Variants in SNX29 observed in about 807,000 individuals in gnomAD.
The protein encoded by SNX29 is sorting nexin 29.
SNX29 carries 78 observed loss-of-function variants against 102.1 expected under a neutral mutation model. The observed-to-expected ratio is 0.76, with a 90% CI of 0.64 to 0.92. SNX29 has a LOEUF of 0.92. SNX29 is among the 40% of genes least tolerant of loss of function. SNX29 has a pLI of 0.00. For synonymous variants in SNX29, 580 were observed against 414.5 expected (o/e 1.40, Z -4.85); for missense variants, 1,280 against 1,061.7 (o/e 1.21, Z -2.86).
chr16:12,095,705 T>G (rs2052738980), intron 11 of SNX29, among the ~76,000 whole-genome samples: 1 of 152,202 alleles, frequency 6.6e-6, no homozygotes, highest in African/African-American at 2.4e-5. Flanking sequence ...GATTGTTGCC[T>G]TCTTGCCCCT....
At chr16:12,449,002 A>G (rs1198595501) in intron 18 of SNX29, among the ~76,000 whole-genome samples, 1 of 152,098 alleles carries the variant, frequency 6.6e-6, no homozygotes, top group Non-Finnish European at 1.5e-5. Flanking sequence ...TGCATTGAGG[A>G]AGAAGACTCA....
chr16:12,050,245 C>G (rs1459174690), intron 7 of SNX29, among the ~76,000 whole-genome samples: 1 of 152,172 alleles, frequency 6.6e-6, no homozygotes, highest in African/African-American at 2.4e-5. Flanking sequence ...CCGCATCACA[C>G]ATTGGTTTAG....
At chr16:12,092,940 C>G (rs1020518507) in intron 11 of SNX29, among the ~76,000 whole-genome samples, 2 of 152,172 alleles carry the variant, frequency 1.3e-5, no homozygotes, top group African/African-American at 2.4e-5. Flanking sequence ...TGGCCCATAA[C>G]TTTTTATACC....
At chr16:12,418,789 A>G (rs1461133877) in intron 18 of SNX29, among the ~76,000 whole-genome samples, 2 of 152,196 alleles carry the variant, frequency 1.3e-5, no homozygotes, top group African/African-American at 4.8e-5. Context: ...TGCTGGGATT[A>G]CAGATGTGAG....
chr16:12,215,390 TAA>T (rs2077295786), intron 14 of SNX29, among the ~76,000 whole-genome samples: 1 of 151,864 alleles, frequency 6.6e-6, no homozygotes, highest in Admixed American at 6.5e-5. Context: ...GCACTCTATG[TAA>T]GTATTAGATT....
rs1409779606 is a variant in SNX29 at position 12,277,843 on chromosome 16, T to C, written c.1679-90T>C. On this transcript the variant is annotated intron_variant, in intron 14 of 20. Transcript: ENST00000566228. ...TGAGAGCTTTTTCAGTCTGAAGTCA[T>C]CTGAGAAAGAAGAATTTTTTCTTTT... The C allele has an allele frequency of 2.7e-6, 3 of 1,099,724 alleles. No homozygotes were observed. In the East Asian group the frequency reaches 7.8e-5, roughly 29 times the overall value. 68.1% of individuals were successfully genotyped at this position (1,099,724 alleles called of 1,614,324 possible).
chr16:12,029,626 C>G (rs1200873448), intron 4 of SNX29: 1 of 448,954 alleles, frequency 2.2e-6, no homozygotes, highest in East Asian at 7.0e-5. Flanking sequence ...GAGCCTCACT[C>G]TGTTGCCCAG....
intron 11 of SNX29, among the ~76,000 whole-genome samples, chr16:12,101,156 G>A (rs535659750): frequency 6.6e-6 from 1 of 152,220 alleles, no homozygotes; most frequent in Admixed American, 6.5e-5. Context: ...GTTTCCTGCT[G>A]GAATAGGTAG....
chr16:12,103,690 A>AT (rs1357764385), intron 11 of SNX29, among the ~76,000 whole-genome samples: 1 of 152,256 alleles, frequency 6.6e-6, no homozygotes, highest in Non-Finnish European at 1.5e-5. Flanking sequence ...AAATTGACAA[A>AT]TGGGATCTAA....
At position 12,414,603 on chromosome 16, in the gene SNX29, T is replaced by A. The variant is rs117947552; in HGVS notation, c.2037+11074T>A. 3.0e-3 allele frequency among the ~76,000 whole-genome samples: 451 copies of A among 152,294 alleles called. 2 individuals are homozygous for A. Among genetic ancestry groups the A allele is most frequent in the African/African-American group, 8.0e-3 (332 of 41,548 alleles). On this transcript the variant is annotated intron_variant, in intron 18 of 20. Coordinates refer to ENST00000566228, the MANE Select transcript of SNX29 (RefSeq NM_032167.5). ...TTCCCTGGTTGTAGCCAGCTGGTCT[T>A]TTCTGCTCCCTCACCTGAAGGGAGA...
At chr16:12,531,968 G>A (rs962489784) in intron 20 of SNX29, among the ~76,000 whole-genome samples, 1 of 152,180 alleles carries the variant, frequency 6.6e-6, no homozygotes, top group Non-Finnish European at 1.5e-5. Context: ...TGAAAATTAA[G>A]ATGTAGCAAT....
At chr16:12,189,218 A>G (rs907579605) in intron 13 of SNX29, among the ~76,000 whole-genome samples, 1 of 152,244 alleles carries the variant, frequency 6.6e-6, no homozygotes, top group Non-Finnish European at 1.5e-5. Flanking sequence ...GAAAATTAAC[A>G]TTGACACATT....
chr16:12,182,189 GT>G (rs67550670), intron 13 of SNX29, among the ~76,000 whole-genome samples: 74,683 of 122,016 alleles, frequency 0.61, 23,948 homozygotes, highest in South Asian at 0.76. Flanking sequence ...GCCCGGCCTA[GT>G]TTTTTTTTTT....
chr16:12,436,860 C>G (rs2085562507), intron 18 of SNX29, among the ~76,000 whole-genome samples: 1 of 152,202 alleles, frequency 6.6e-6, no homozygotes, highest in East Asian at 1.9e-4. Context: ...GCCATAGTGG[C>G]TAGGCTGGTT....
At position 12,126,641 on chromosome 16, in the gene SNX29, C is replaced by T. The variant is rs372788283; in HGVS notation, c.1411C>T (p.Arg471Cys). The T allele has an allele frequency of 4.3e-6, 7 of 1,613,772 alleles. No individual in the cohort carries two copies. The highest frequency in any genetic ancestry group is 2.7e-5 in the African/African-American group (2 of 74,922). ...TTGTTTTCTTCCCTTAGGTGAACTGCGCCAGGCCACTGTGGCCATGATGAA... is the reference window on the plus strand; with the variant it reads ...TTGTTTTCTTCCCTTAGGTGAACTGTGCCAGGCCACTGTGGCCATGATGAA... ...VPESMTISEL[R>C]QATVAMMNRK... Residue 471 changes from arginine to cysteine, a missense_variant, in exon 12 of 21, where the codon CGC becomes TGC. Coordinates refer to ENST00000566228, the MANE Select transcript of SNX29 (RefSeq NM_032167.5).
intron 13 of SNX29, among the ~76,000 whole-genome samples, chr16:12,184,101 C>A (rs576416713): frequency 1.3e-5 from 2 of 152,182 alleles, no homozygotes; most frequent in Non-Finnish European, 2.9e-5. Flanking sequence ...TATGGACTCA[C>A]CCTAATTTCT....
chr16:12,346,551 G>A (rs1001815731), intron 15 of SNX29, among the ~76,000 whole-genome samples: 3 of 152,104 alleles, frequency 2.0e-5, no homozygotes, highest in Non-Finnish European at 2.9e-5. Flanking sequence ...GCACCACGCC[G>A]CACACCCTCT....
intron 13 of SNX29, among the ~76,000 whole-genome samples, chr16:12,185,317 C>A (rs2076484305): frequency 6.6e-6 from 1 of 152,178 alleles, no homozygotes; most frequent in Admixed American, 6.5e-5. Flanking sequence ...TCCTTAGTGC[C>A]AGCCCTGGTT....
chr16:12,281,414 C>T (rs183296381), intron 15 of SNX29, among the ~76,000 whole-genome samples: 9 of 152,266 alleles, frequency 5.9e-5, no homozygotes, highest in East Asian at 1.9e-4. Context: ...AACCTAAAGT[C>T]GGTGCCATAA....
Sources: allele counts gnomAD v4.1 joint callset (sites outside exome capture counted in the v4.1 genomes callset), GRCh38; gene constraint gnomAD v4.1.1; transcripts MANE v1.5; gene names NCBI Gene and HGNC (gene_info 2026-07-23, HGNC 2026-07-21).